Variants in BACH2 observed in about 807,000 individuals in gnomAD.
The protein encoded by BACH2 is transcription regulator protein BACH2.
BACH2 carries 5 observed loss-of-function variants against 61.8 expected under a neutral mutation model. The ratio of observed to expected loss-of-function variants is 0.08; its 90% CI spans 0.04 to 0.17. BACH2 has a LOEUF of 0.17. Ranked by LOEUF, BACH2 falls within the 10% of genes least tolerant of loss-of-function variation. The probability of loss-of-function intolerance (pLI) is 1.00; values close to 1 mark genes in which losing one functional copy is unlikely to be tolerated. For missense variants in BACH2, 824 were observed against 1,091.1 expected, an observed-to-expected ratio of 0.76 and a Z score of 3.45; for synonymous variants, 446 against 440.1, an observed-to-expected ratio of 1.01 and a Z score of -0.17.
chr6:90,293,615 T>G (rs879329892), intron 1 of BACH2, among the ~76,000 whole-genome samples: 2 of 152,222 alleles, frequency 1.3e-5, no homozygotes, highest in Non-Finnish European at 2.9e-5. Context: ...TCTGGCCCTC[T>G]GTGACTCACT....
chr6:90,042,451 C>T (rs1353652312), intron 5 of BACH2, among the ~76,000 whole-genome samples: 7 of 151,910 alleles, frequency 4.6e-5, no homozygotes, highest in Non-Finnish European at 7.4e-5. Context: ...CCACTCACCT[C>T]GGCCTCCCAA....
intron 5 of BACH2, among the ~76,000 whole-genome samples, chr6:90,066,032 C>T (rs2127800153): frequency 6.6e-6 from 1 of 152,228 alleles, no homozygotes; most frequent in Non-Finnish European, 1.5e-5. Context: ...TTTTCACTGC[C>T]CTTCTTTATG....
At chr6:90,014,277 CTT>C (rs199836033) in intron 5 of BACH2, among the ~76,000 whole-genome samples, 4 of 130,712 alleles carry the variant, frequency 3.1e-5, no homozygotes, top group East Asian at 2.1e-4. Context: ...TTTCTAAAAG[CTT>C]TTTTTTTTTT....
At chr6:90,243,326 A>G (rs1057326515) in intron 3 of BACH2, among the ~76,000 whole-genome samples, 37 of 152,038 alleles carry the variant, frequency 2.4e-4, no homozygotes, top group African/African-American at 7.2e-4. Flanking sequence ...TGTGATGCCA[A>G]TAACTCCATT....
At chr6:89,966,165 C>T (rs1260318365) in intron 6 of BACH2, among the ~76,000 whole-genome samples, 2 of 152,206 alleles carry the variant, frequency 1.3e-5, no homozygotes, top group Admixed American at 6.5e-5. Context: ...AGTATTTCTA[C>T]AGTCTTTAGT....
chr6:90,055,616 C>A (rs969355368), intron 5 of BACH2, among the ~76,000 whole-genome samples: 6 of 147,142 alleles, frequency 4.1e-5, no homozygotes, highest in African/African-American at 1.6e-4. Flanking sequence ...TCAGGAAATA[C>A]AGAGAACGCC....
intron 3 of BACH2, among the ~76,000 whole-genome samples, chr6:90,207,973 T>C (rs1769208275): frequency 6.6e-6 from 1 of 152,242 alleles, no homozygotes; most frequent in Non-Finnish European, 1.5e-5. Context: ...ATTACTACGT[T>C]CCTTTTATAA....
intron 4 of BACH2, among the ~76,000 whole-genome samples, chr6:90,121,841 C>T (rs1405348562): frequency 6.6e-6 from 1 of 152,122 alleles, no homozygotes; most frequent in Non-Finnish European, 1.5e-5. Flanking sequence ...CCACCGTGCC[C>T]GGCCACCTTT....
intron 4 of BACH2, among the ~76,000 whole-genome samples, chr6:90,194,971 T>C (rs1768706522): frequency 6.6e-6 from 1 of 152,226 alleles, no homozygotes; most frequent in African/African-American, 2.4e-5. Context: ...TTTTTCTTGA[T>C]GAGAAGAAAT....
At chr6:90,247,628 T>C (rs1474080345) in intron 3 of BACH2, among the ~76,000 whole-genome samples, 3 of 152,180 alleles carry the variant, frequency 2.0e-5, no homozygotes, top group African/African-American at 7.2e-5. Context: ...CTTAGAGGAA[T>C]TCTTCACTCC....
intron 4 of BACH2, among the ~76,000 whole-genome samples, chr6:90,164,047 C>T (rs916335590): frequency 5.3e-5 from 8 of 152,082 alleles, no homozygotes; most frequent in African/African-American, 1.9e-4. Flanking sequence ...TAGCAGAAGG[C>T]AAGAAATAAC....
At chr6:89,982,181 T>C (rs1325206110) in intron 6 of BACH2, among the ~76,000 whole-genome samples, 1 of 151,986 alleles carries the variant, frequency 6.6e-6, no homozygotes, top group Non-Finnish European at 1.5e-5. Context: ...GCAGGAGAAT[T>C]TGTAAGTTCA....
chr6:90,234,204 G>C (rs1280416977), intron 3 of BACH2, among the ~76,000 whole-genome samples: 1 of 152,200 alleles, frequency 6.6e-6, no homozygotes, highest in East Asian at 1.9e-4. Context: ...TTGATGTAGA[G>C]ATGAGCACAG....
At position 89,928,423 on chromosome 6, in the gene BACH2, C is replaced by T. The variant is rs1241988082; in HGVS notation, c.*3985G>A. The T allele has an allele frequency of 6.6e-6, 1 of 152,348 alleles. No homozygotes were observed. The highest frequency in any genetic ancestry group is 1.5e-5 in the Non-Finnish European group (1 of 68,044). 9.4% of individuals were successfully genotyped at this position (152,348 alleles called of 1,614,324 possible). A position where few individuals can be genotyped will look rare whatever the true frequency, so the allele number is the denominator to read the frequency against. ...GGGACAGGAGTTTTTGGTGTCTTAA[C>T]AGGCTTATCATTTTCAAACCTTTGT... On this transcript the variant is annotated 3_prime_UTR_variant, in exon 9 of 9. Coordinates refer to ENST00000257749, the MANE Select transcript of BACH2 (RefSeq NM_021813.4).
intron 1 of BACH2, among the ~76,000 whole-genome samples, chr6:90,280,937 C>T (rs910760149): frequency 2.6e-5 from 4 of 152,232 alleles, no homozygotes; most frequent in Non-Finnish European, 4.4e-5. Flanking sequence ...CTCCTCTTCT[C>T]CATGTTGAAA....
intron 3 of BACH2, among the ~76,000 whole-genome samples, chr6:90,245,938 T>C (rs1770621268): frequency 6.6e-6 from 1 of 152,178 alleles, no homozygotes; most frequent in Non-Finnish European, 1.5e-5. Context: ...GACAGGAGGC[T>C]GGCAGTGCCA....
intron 4 of BACH2, among the ~76,000 whole-genome samples, chr6:90,185,935 C>T (rs1223942795): frequency 6.6e-6 from 1 of 152,180 alleles, no homozygotes; most frequent in Non-Finnish European, 1.5e-5. Flanking sequence ...TTTAGTGTTA[C>T]TGATGCTTGG....
chr6:90,269,463 T>C (rs1648493615), intron 2 of BACH2, among the ~76,000 whole-genome samples: 1 of 152,200 alleles, frequency 6.6e-6, no homozygotes, highest in African/African-American at 2.4e-5. Flanking sequence ...TATAGTGAGG[T>C]GCATTTCCAA....
chr6:90,294,676 G>T (rs968283941), intron 1 of BACH2, among the ~76,000 whole-genome samples: 1 of 152,068 alleles, frequency 6.6e-6, no homozygotes, highest in South Asian at 2.1e-4. Context: ...GAAAAACGCC[G>T]TTTACTCGGG....
Sources: gnomAD v4.1 joint callset for allele counts (sites outside exome capture counted in the v4.1 genomes callset) on GRCh38, gnomAD v4.1.1 for gene constraint, MANE v1.5 for transcripts, NCBI Gene and HGNC (gene_info 2026-07-23, HGNC 2026-07-21) for gene names.